AGBL1: variants seen among roughly 807,000 people sequenced by gnomAD.
The protein encoded by AGBL1 is cytosolic carboxypeptidase 4.
A neutral mutation model predicts 118.9 loss-of-function variants in AGBL1; 130 were observed. The observed-to-expected ratio is 1.09, with a 90% confidence interval of 0.95 to 1.26. The LOEUF (loss-of-function observed/expected upper bound fraction) is 1.26, where lower values mean the gene tolerates loss of function less well. Ranked by LOEUF, AGBL1 falls within the 50% of genes most tolerant of loss-of-function variation. The probability of loss-of-function intolerance (pLI) is 0.00; values close to 1 mark genes in which losing one functional copy is unlikely to be tolerated. For synonymous variants in AGBL1, 555 were observed against 478.9 expected (o/e 1.16, Z -2.08); for missense variants, 1,584 against 1,298.1 (o/e 1.22, Z -3.38).
At chr15:86,126,459 T>C (rs549042562) in intron 1 of AGBL1, among the ~76,000 whole-genome samples, 3 of 152,322 alleles carry the variant, frequency 2.0e-5, no homozygotes, top group South Asian at 4.1e-4. Flanking sequence ...GGATGGAATG[T>C]TTATATTTCC....
At chr15:86,590,197 G>A (rs1260088488) in intron 21 of AGBL1, among the ~76,000 whole-genome samples, 2 of 152,108 alleles carry the variant, frequency 1.3e-5, no homozygotes, top group Admixed American at 1.3e-4. Flanking sequence ...ATTATGGGAG[G>A]GAGAGAAGAG....
At chr15:86,280,478 G>A (rs1167160392) in intron 16 of AGBL1, among the ~76,000 whole-genome samples, 1 of 152,158 alleles carries the variant, frequency 6.6e-6, no homozygotes, top group Non-Finnish European at 1.5e-5. Flanking sequence ...AAACCATGCA[G>A]CTTTCTGTCA....
intron 21 of AGBL1, among the ~76,000 whole-genome samples, chr15:86,555,478 C>T (rs779762354): frequency 2.2e-4 from 33 of 152,126 alleles, no homozygotes; most frequent in Admixed American, 2.1e-3. Context: ...CTCATGTAGT[C>T]GAAGATTTTT....
At chr15:87,014,124 G>A (rs16939711) in intron 24 of AGBL1, among the ~76,000 whole-genome samples, 15,682 of 152,164 alleles carry the variant, frequency 0.1, 1,621 homozygotes, top group African/African-American at 0.27. Flanking sequence ...AAGGCTGACA[G>A]TTGTGATATG....
At chr15:86,549,108 C>G (rs9672623) in intron 20 of AGBL1, among the ~76,000 whole-genome samples, 9,065 of 152,112 alleles carry the variant, frequency 0.06, 720 homozygotes, top group African/African-American at 0.18. Flanking sequence ...TCACCTCCTA[C>G]CAGGCCCCAC....
intron 3 of AGBL1, among the ~76,000 whole-genome samples, chr15:86,148,617 T>C (rs1040031209): frequency 1.3e-5 from 2 of 152,096 alleles, no homozygotes; most frequent in African/African-American, 4.8e-5. Context: ...CCAAGAAATA[T>C]GGGACTATGT....
At chr15:86,451,137 A>G (rs1414442193) in intron 18 of AGBL1, among the ~76,000 whole-genome samples, 1 of 152,144 alleles carries the variant, frequency 6.6e-6, no homozygotes, top group Non-Finnish European at 1.5e-5. Context: ...ATGCCTTGAG[A>G]TTATGTTTTA....
chr15:86,188,406 TA>T (rs201858870), intron 5 of AGBL1, among the ~76,000 whole-genome samples: 10 of 151,304 alleles, frequency 6.6e-5, no homozygotes, highest in East Asian at 3.9e-4. Flanking sequence ...ATAGAAAACA[TA>T]AAAAAAAAGA....
intron 18 of AGBL1, among the ~76,000 whole-genome samples, chr15:86,453,304 A>G (rs2082218243): frequency 1.3e-5 from 2 of 152,256 alleles, no homozygotes; most frequent in African/African-American, 4.8e-5. Flanking sequence ...CCAGCCATTC[A>G]TATTCCCTTC....
In AGBL1 at chr15:86,343,855, C is replaced by T. The variant is rs139520944; in HGVS notation, c.2374+48447C>T. Among the ~76,000 whole-genome samples, 628 of 152,266 alleles carry T rather than the reference C, an allele frequency of 4.1e-3. 3 individuals carry two copies. The highest frequency in any genetic ancestry group is 0.014 in the African/African-American group (567 of 41,566). On this transcript the variant is annotated intron_variant, in intron 17 of 22. Coordinates refer to ENST00000614907, the MANE Select transcript of AGBL1 (RefSeq NM_001386094.1). ...CAGGGCTTTTAATCACCTGTATGAA[C>T]GTCTGATAGGGCTATGAAATATGGC... is the stretch of plus-strand genomic sequence containing the variant.
At chr15:86,817,626 T>TAC (rs762608485) in intron 22 of AGBL1, among the ~76,000 whole-genome samples, 1,286 of 98,130 alleles carry the variant, frequency 0.013, 7 homozygotes, top group Non-Finnish European at 0.019. Context: ...GAGACAGGCA[T>TAC]ACACACACAC....
intron 5 of AGBL1, among the ~76,000 whole-genome samples, chr15:86,160,712 A>C (rs2077256083): frequency 6.6e-6 from 1 of 152,174 alleles, no homozygotes; most frequent in South Asian, 2.1e-4. Flanking sequence ...GGTCAGGAAT[A>C]TCTGGTTTCT....
chr15:86,357,721 AT>A (rs1876903557), intron 17 of AGBL1, among the ~76,000 whole-genome samples: 1 of 152,108 alleles, frequency 6.6e-6, no homozygotes, highest in Admixed American at 6.5e-5. Context: ...TACTAAAATA[AT>A]GTTCCCTTAA....
intron 21 of AGBL1, among the ~76,000 whole-genome samples, chr15:86,627,164 C>A (rs767639362): frequency 6.6e-6 from 1 of 152,126 alleles, no homozygotes; most frequent in Non-Finnish European, 1.5e-5. Flanking sequence ...CCACCCCCAG[C>A]TAATTTTGTA....
At chr15:86,269,598 T>C (rs994425933) in intron 13 of AGBL1, among the ~76,000 whole-genome samples, 7 of 152,244 alleles carry the variant, frequency 4.6e-5, no homozygotes, top group Non-Finnish European at 1.0e-4. Flanking sequence ...TCATTACACA[T>C]TGTATTATTG....
intron 19 of AGBL1, among the ~76,000 whole-genome samples, chr15:86,538,958 C>G (rs2083459608): frequency 1.3e-5 from 2 of 152,228 alleles, no homozygotes; most frequent in South Asian, 4.1e-4. Flanking sequence ...GCATGGCAAT[C>G]TGGTCCTCAT....
In AGBL1 at chr15:86,546,096, TG is replaced by T. The variant is rs1376048091; in HGVS notation, c.2783del (p.Gly928AlafsTer6). On this transcript the variant is annotated frameshift_variant, in exon 20 of 23. Coordinates refer to ENST00000614907, the MANE Select transcript of AGBL1 (RefSeq NM_001386094.1). LOFTEE classifies it high-confidence loss of function. Reference sequence around the variant, plus strand: ...ACCTTGTGGCAAGCAGCATGCACTGTGGGCACATCTACTATCCTAGAGGAGG... The same window carrying T: ...ACCTTGTGGCAAGCAGCATGCACTGTGGCACATCTACTATCCTAGAGGAGG... The part of the protein sequence containing the change: ...KETLWQAACT[V>X]GTSTILEEVN... 1 of 1,613,342 alleles carries T rather than the reference TG, an allele frequency of 6.2e-7. No individual in the cohort carries two copies. The highest frequency in any genetic ancestry group is 8.5e-7 in the Non-Finnish European group (1 of 1,179,594).
rs113770077 is a variant in AGBL1, at chr15:86,258,169, C to A, written c.969+138C>A. The A allele has an allele frequency of 4.5e-5, 35 of 784,842 alleles. 3 individuals carry two copies. The highest frequency in any genetic ancestry group is 2.9e-4 in the African/African-American group (17 of 57,730). The allele number at this position is 784,842 out of a possible 1,614,324, so 48.6% of individuals were successfully genotyped here. A position where few individuals can be genotyped will look rare whatever the true frequency, so the allele number is the denominator to read the frequency against. ...TACTGCCACTCCAGTGGTCGTGATGCGCAGTAAATGATAGCTACTGTTATT... is the reference window on the plus strand; with the variant it reads ...TACTGCCACTCCAGTGGTCGTGATGAGCAGTAAATGATAGCTACTGTTATT... On this transcript the variant is annotated intron_variant, in intron 9 of 22. Coordinates refer to ENST00000614907, the MANE Select transcript of AGBL1 (RefSeq NM_001386094.1).
intron 21 of AGBL1, among the ~76,000 whole-genome samples, chr15:86,604,131 A>G (rs1436247884): frequency 4.0e-5 from 6 of 150,668 alleles, no homozygotes; most frequent in Admixed American, 3.3e-4. Context: ...CATCGGGGCC[A>G]CCTCAGCAGA....
Sources: gnomAD v4.1 joint callset for allele counts (sites outside exome capture counted in the v4.1 genomes callset) on GRCh38, gnomAD v4.1.1 for gene constraint, MANE v1.5 for transcripts, NCBI Gene and HGNC (gene_info 2026-07-23, HGNC 2026-07-21) for gene names.